Variants in PTPRT observed in about 807,000 individuals in gnomAD.
PTPRT encodes the protein protein tyrosine phosphatase receptor type T, also known as receptor-type tyrosine-protein phosphatase T.
In PTPRT, 56 loss-of-function variants were observed where a neutral mutation model predicts 176.8. The ratio of observed to expected loss-of-function variants is 0.32; its 90% confidence interval spans 0.26 to 0.40. The LOEUF (loss-of-function observed/expected upper bound fraction) is 0.40, where lower values mean the gene tolerates loss of function less well. Among genes scored for constraint, PTPRT ranks in the 10% least tolerant of loss-of-function variants. The pLI, the probability that PTPRT is intolerant of heterozygous loss-of-function variation, is 1.00. For missense variants in PTPRT, 1,540 were observed against 1,908.2 expected (o/e 0.81, Z 3.60); for synonymous variants, 783 against 739.0 (o/e 1.06, Z -0.96).
intron 9 of PTPRT, among the ~76,000 whole-genome samples, chr20:42,404,115 A>G (rs1412142134): frequency 6.6e-6 from 1 of 152,196 alleles, no homozygotes; most frequent in Admixed American, 6.6e-5. Context: ...GATATTCACC[A>G]AAGCTAATTC....
At chr20:42,945,855 G>A (rs920540111) in intron 1 of PTPRT, among the ~76,000 whole-genome samples, 2 of 151,912 alleles carry the variant, frequency 1.3e-5, no homozygotes, top group African/African-American at 2.4e-5. Context: ...GAAGACCCCC[G>A]ACCCATTAAG....
chr20:42,598,407 GT>G (rs112545615), intron 7 of PTPRT, among the ~76,000 whole-genome samples: 8,171 of 152,150 alleles, frequency 0.054, 733 homozygotes, highest in African/African-American at 0.19. Context: ...CAAAAGAGCT[GT>G]TTTTTAAATG....
At chr20:42,452,198 G>A (rs1001693468) in intron 8 of PTPRT, among the ~76,000 whole-genome samples, 2 of 151,860 alleles carry the variant, frequency 1.3e-5, no homozygotes, top group African/African-American at 4.8e-5. Flanking sequence ...GAACCCAGGA[G>A]GTGGAGGTTG....
rs1427259724 is a variant in PTPRT, at chr20:42,080,698, G to A, written c.*181C>T. On this transcript the variant is annotated 3_prime_UTR_variant, in exon 31 of 31. Coordinates refer to ENST00000373187, the MANE Select transcript of PTPRT (RefSeq NM_007050.6). ...GGCCTTTTGGAGCAGCATCTCCCAC[G>A]GCAACAGGAGACCCCTCAGAAGGTG... The A allele has an allele frequency of 1.6e-5, 8 of 495,624 alleles. No individual in the cohort carries two copies. Among genetic ancestry groups the A allele is most frequent in the South Asian group, 5.6e-5 (2 of 35,856 alleles). The allele number at this position is 495,624 out of a possible 1,614,324, so 30.7% of individuals were successfully genotyped here. A position where few individuals can be genotyped will look rare whatever the true frequency, so the allele number is the denominator to read the frequency against.
intron 9 of PTPRT, among the ~76,000 whole-genome samples, chr20:42,394,521 C>T (rs966553245): frequency 6.6e-6 from 1 of 152,162 alleles, no homozygotes; most frequent in South Asian, 2.1e-4. Flanking sequence ...AAAGCCCACA[C>T]ACTGGGGTTG....
chr20:42,858,030 C>A (rs892837378), intron 2 of PTPRT, among the ~76,000 whole-genome samples: 2 of 152,166 alleles, frequency 1.3e-5, no homozygotes, highest in African/African-American at 4.8e-5. Context: ...ATCCTCAGTG[C>A]CTGGCATATT....
At chr20:42,278,722 C>A (rs1292705425) in intron 13 of PTPRT, among the ~76,000 whole-genome samples, 1 of 152,076 alleles carries the variant, frequency 6.6e-6, no homozygotes, top group Non-Finnish European at 1.5e-5. Context: ...AATTGAGATA[C>A]CTGGGTACCT....
chr20:42,913,189 G>A (rs1978511291), intron 1 of PTPRT, among the ~76,000 whole-genome samples: 1 of 152,156 alleles, frequency 6.6e-6, no homozygotes, highest in Non-Finnish European at 1.5e-5. Context: ...CCATTTCTGA[G>A]GAGTGTTATA....
intron 27 of PTPRT, among the ~76,000 whole-genome samples, chr20:42,093,354 T>A (rs1428370307): frequency 6.6e-6 from 1 of 152,186 alleles, no homozygotes. Context: ...ACCACAGACA[T>A]TTGGAGTCCT....
intron 16 of PTPRT, among the ~76,000 whole-genome samples, chr20:42,165,007 C>T (rs1255870710): frequency 1.3e-5 from 2 of 152,158 alleles, no homozygotes; most frequent in East Asian, 3.9e-4. Context: ...CCTGTGAATT[C>T]CCCTGCAGTA....
At chr20:42,307,640 C>T (rs909366530) in intron 12 of PTPRT, among the ~76,000 whole-genome samples, 4 of 152,016 alleles carry the variant, frequency 2.6e-5, no homozygotes, top group Non-Finnish European at 5.9e-5. Context: ...GTAGAAAGGG[C>T]AATATCATAA....
intron 1 of PTPRT, among the ~76,000 whole-genome samples, chr20:42,916,649 T>C (rs1055784762): frequency 2.0e-5 from 3 of 152,232 alleles, no homozygotes; most frequent in African/African-American, 7.2e-5. Context: ...TTTTTAATGA[T>C]GGCCATTCTA....
At chr20:42,984,417 A>G (rs1242489962) in intron 1 of PTPRT, among the ~76,000 whole-genome samples, 2 of 152,230 alleles carry the variant, frequency 1.3e-5, no homozygotes, top group African/African-American at 4.8e-5. Flanking sequence ...TTTCTGACAC[A>G]AATACAGCTC....
intron 7 of PTPRT, among the ~76,000 whole-genome samples, chr20:42,577,372 A>G (rs535930491): frequency 6.6e-6 from 1 of 152,318 alleles, no homozygotes; most frequent in African/African-American, 2.4e-5. Flanking sequence ...CGCAGAAGCC[A>G]GCATGAAAGG....
At chr20:42,639,677 T>C (rs907329023) in intron 7 of PTPRT, among the ~76,000 whole-genome samples, 1 of 152,154 alleles carries the variant, frequency 6.6e-6, no homozygotes. Flanking sequence ...TTTTCTCTTC[T>C]TGATGTCCCT....
chr20:42,596,606 A>G (rs567398502), intron 7 of PTPRT, among the ~76,000 whole-genome samples: 2 of 152,334 alleles, frequency 1.3e-5, no homozygotes, highest in African/African-American at 4.8e-5. Context: ...TATATTTCTG[A>G]CTCTCTCCTG....
the PTPRT span, among the ~76,000 whole-genome samples, chr20:42,035,650 T>C: frequency 6.6e-6 from 1 of 152,158 alleles, no homozygotes; most frequent in Non-Finnish European, 1.5e-5. Context: ...CACATAATTA[T>C]GATTGCCACT....
chr20:42,633,904 T>C (rs1257788425), intron 7 of PTPRT, among the ~76,000 whole-genome samples: 2 of 76,328 alleles, frequency 2.6e-5, no homozygotes, highest in East Asian at 7.3e-4. Context: ...ATATATAATA[T>C]AATATATAAT....
rs758971738 is a variant in PTPRT at position 42,085,779 on chromosome 20, G to A, written c.3921C>T (p.Asp1307=). The A allele has an allele frequency of 1.2e-6, 2 of 1,614,122 alleles. No individual in the cohort carries two copies. The highest frequency in any genetic ancestry group is 1.7e-5 in the Admixed American group (1 of 60,024). ...GPIQVEFVSA[D]IDEDIIHRIF... is the part of the protein sequence containing the mutation. ...TTCTGTGGATGATGTCCTCGTCGAT[G>A]TCTGCGGAGACGAACTCCACCTGGA... The change falls in exon 28 of 31, where the codon GAC becomes GAT. Residue 1307 remains aspartate (D), a synonymous_variant. Coordinates refer to ENST00000373187, the MANE Select transcript of PTPRT (RefSeq NM_007050.6).
Sources: allele counts gnomAD v4.1 joint callset (sites outside exome capture counted in the v4.1 genomes callset), GRCh38; gene constraint gnomAD v4.1.1; transcripts MANE v1.5; gene names NCBI Gene and HGNC (gene_info 2026-07-23, HGNC 2026-07-21).